Variants in PTPN5 observed in about 807,000 individuals in gnomAD.
The protein encoded by PTPN5 is tyrosine-protein phosphatase non-receptor type 5.
In PTPN5, 29 loss-of-function variants were observed where a neutral mutation model predicts 73.9. The observed-to-expected ratio is 0.39, with a 90% confidence interval of 0.29 to 0.54. The LOEUF (loss-of-function observed/expected upper bound fraction) is 0.54. Ranked by LOEUF, PTPN5 falls within the 20% of genes least tolerant of loss-of-function variation. PTPN5 has a pLI of 0.65. For synonymous variants in PTPN5, 267 were observed against 304.7 expected, an observed-to-expected ratio of 0.88 and a Z score of 1.29; for missense variants, 652 against 751.4, an observed-to-expected ratio of 0.87 and a Z score of 1.55.
In PTPN5 at chr11:18,737,881, G is replaced by A; in HGVS notation, c.999C>T (p.Pro333=). ...CCCTCTGGGACAGTGAGTACTCACTGGGAAGTATGGTTTTGTACCGGTTCT... is the reference window on the plus strand; with the variant it reads ...CCCTCTGGGACAGTGAGTACTCACTAGGAAGTATGGTTTTGTACCGGTTCT... ...VRKNRYKTIL[P]NPHSRVCLTS... is the part of the protein sequence containing the mutation. The change falls in exon 9 of 15, where the codon CCC becomes CCT. Residue 333 remains proline (P), a splice_region_variant and synonymous_variant. Transcript: ENST00000358540. The A allele has an allele frequency of 6.2e-7, 1 of 1,613,600 alleles. No homozygotes were observed. Among genetic ancestry groups the A allele is most frequent in the Non-Finnish European group, 8.5e-7 (1 of 1,179,474 alleles).
intron 3 of PTPN5, among the ~76,000 whole-genome samples, chr11:18,758,721 G>T (rs540351092): frequency 5.7e-4 from 87 of 152,130 alleles, no homozygotes; most frequent in African/African-American, 2.0e-3. Flanking sequence ...GAGAGCTGGG[G>T]TGATTTGTCC....
At chr11:18,759,342 A>G (rs75305114) in intron 3 of PTPN5, among the ~76,000 whole-genome samples, 1,824 of 152,306 alleles carry the variant, frequency 0.012, 23 homozygotes, top group African/African-American at 0.031. Context: ...CCCTTATTCT[A>G]GAGTGAGGAA....
At chr11:18,762,956 C>G (rs1247153841) in intron 3 of PTPN5, among the ~76,000 whole-genome samples, 1 of 152,180 alleles carries the variant, frequency 6.6e-6, no homozygotes, top group Non-Finnish European at 1.5e-5. Flanking sequence ...CTAGTGCTTA[C>G]AACAGTGCCC....
intron 3 of PTPN5, chr11:18,749,580 C>A: frequency 2.0e-6 from 1 of 501,392 alleles, no homozygotes; most frequent in South Asian, 1.5e-5. Flanking sequence ...TCAAAGTATA[C>A]ATGTAGTATG....
chr11:18,728,872 C>T lies in PTPN5; in HGVS notation c.*62G>A, dbSNP rs1366433792. The T allele has an allele frequency of 3.9e-6, 6 of 1,539,892 alleles. No individual in the cohort carries two copies. The highest frequency in any genetic ancestry group is 5.3e-6 in the Non-Finnish European group (6 of 1,133,282). On this transcript the variant is annotated 3_prime_UTR_variant, in exon 15 of 15. Transcript: ENST00000358540. The surrounding 1 kb of genome is among the most constrained non-coding windows in gnomAD (Gnocchi z 4.1). ...GCAGGCCCAGGACCCGAGGCAGGGC[C>T]CTGGGTGAGGGCCGAGACTCAGGCT...
chr11:18,783,809 A>G (rs1368806193), intron 1 of PTPN5, among the ~76,000 whole-genome samples: 1 of 152,192 alleles, frequency 6.6e-6, no homozygotes, highest in African/African-American at 2.4e-5. Context: ...TGTCCACCAC[A>G]GTGCCTGGTA....
chr11:18,744,073 C>A lies in PTPN5; in HGVS notation c.224G>T (p.Arg75Leu). 6.2e-7 allele frequency: 1 copy of A among 1,609,832 alleles called. No individual in the cohort carries two copies. The highest frequency in any genetic ancestry group is 8.5e-7 in the Non-Finnish European group (1 of 1,178,258). Residue 75 changes from arginine to leucine, a missense_variant, in exon 4 of 15, where the codon CGA (arginine) becomes CTA (leucine). Transcript: ENST00000358540. ...PSDPAQKPPP[R>L]GAGSHSLTVR... is the part of the protein sequence containing the mutation. ...AGTGAGGGAGTGGCTCCCAGCGCCT[C>A]GAGGTGGTGGCTTCTGAGCTGGATC...
intron 9 of PTPN5, among the ~76,000 whole-genome samples, chr11:18,737,081 C>T (rs1849146311): frequency 6.6e-6 from 1 of 152,242 alleles, no homozygotes; most frequent in African/African-American, 2.4e-5. Context: ...CGCTACTCCA[C>T]AAACTGAATG....
At chr11:18,786,563 A>G (rs996885612) in intron 1 of PTPN5, among the ~76,000 whole-genome samples, 3 of 152,228 alleles carry the variant, frequency 2.0e-5, no homozygotes, top group Admixed American at 6.5e-5. Flanking sequence ...TTTTGGTGAT[A>G]ACACTGCTTA....
chr11:18,737,074 T>A (rs1849145845), intron 9 of PTPN5, among the ~76,000 whole-genome samples: 1 of 152,250 alleles, frequency 6.6e-6, no homozygotes, highest in African/African-American at 2.4e-5. Context: ...AAAGCCTCGC[T>A]ACTCCACAAA....
chr11:18,752,494 G>A (rs917081449), intron 3 of PTPN5, among the ~76,000 whole-genome samples: 1 of 152,202 alleles, frequency 6.6e-6, no homozygotes, highest in African/African-American at 2.4e-5. Context: ...GGCAACTGGG[G>A]TCGGTGGATG....
intron 1 of PTPN5, among the ~76,000 whole-genome samples, chr11:18,775,950 G>A (rs2134335746): frequency 6.6e-6 from 1 of 152,288 alleles, no homozygotes; most frequent in East Asian, 1.9e-4. Context: ...CAATTATTAA[G>A]AGAGTCCAGG....
At chr11:18,743,511 A>G in intron 4 of PTPN5, 82 bp from the exon 5 acceptor site, 3 of 1,280,944 alleles carry the variant, frequency 2.3e-6, no homozygotes, top group Non-Finnish European at 3.4e-6. Context: ...TGCAGCCTCA[A>G]CCTGGCCCTG....
chr11:18,756,002 T>TTA (rs1554919970), intron 3 of PTPN5, among the ~76,000 whole-genome samples: 129 of 113,224 alleles, frequency 1.1e-3, no homozygotes, highest in African/African-American at 4.4e-3. Flanking sequence ...AGACTCTAAA[T>TTA]AAAAAAAAAA....
intron 3 of PTPN5, among the ~76,000 whole-genome samples, chr11:18,763,486 T>G (rs1035963741): frequency 5.3e-5 from 8 of 152,230 alleles, no homozygotes; most frequent in African/African-American, 1.9e-4. Flanking sequence ...ACTGATTTCC[T>G]AGGATATTCC....
At chr11:18,756,237 T>G (rs1850128284) in intron 3 of PTPN5, among the ~76,000 whole-genome samples, 1 of 151,756 alleles carries the variant, frequency 6.6e-6, no homozygotes, top group Non-Finnish European at 1.5e-5. Context: ...TATGTCTGGT[T>G]CAGACAGCCT....
chr11:18,778,810 T>G (rs1394038623), intron 1 of PTPN5, among the ~76,000 whole-genome samples: 3 of 152,164 alleles, frequency 2.0e-5, no homozygotes, highest in African/African-American at 7.2e-5. Flanking sequence ...CTGCATTTCT[T>G]TATAGCAATG....
chr11:18,733,328 G>A lies in PTPN5; in HGVS notation c.1125C>T (p.Pro375=). The A allele has an allele frequency of 6.2e-7, 1 of 1,614,118 alleles. No homozygotes were observed. The highest frequency in any genetic ancestry group is 8.5e-7 in the Non-Finnish European group (1 of 1,180,010). ...EEKVYIATQG[P]IVSTVADFWR... is the part of the protein sequence containing the mutation. ...AGAAGTCGGCGACCGTGCTGACGATGGGTCCCTGAGTGGCGATGTACACCT... is the reference window on the plus strand; with the variant it reads ...AGAAGTCGGCGACCGTGCTGACGATAGGTCCCTGAGTGGCGATGTACACCT... The change falls in exon 11 of 15, where the codon CCC becomes CCT. Residue 375 remains proline (P), a synonymous_variant. Transcript: ENST00000358540. This position sits in a 1 kb window ranked among gnomAD's most constrained non-coding sequence, Gnocchi z 4.3.
chr11:18,728,156 C>A lies in PTPN5; in HGVS notation c.*778G>T, dbSNP rs1412665749. ...ACACGCAGAGCAACACGCAGTGAGA[C>A]TTCTGGGAAGGCTTTCCCACAGTGA... On this transcript the variant is annotated 3_prime_UTR_variant, in exon 15 of 15. Coordinates refer to ENST00000358540, the MANE Select transcript of PTPN5 (RefSeq NM_006906.2). This position sits in a 1 kb window ranked among gnomAD's most constrained non-coding sequence, Gnocchi z 4.1. 6.5e-6 allele frequency: 1 copy of A among 152,694 alleles called. No homozygotes were observed. 9.5% of individuals were successfully genotyped at this position (152,694 alleles called of 1,614,324 possible).
Sources: gnomAD v4.1 joint callset for allele counts (sites outside exome capture counted in the v4.1 genomes callset) on GRCh38, gnomAD v4.1.1 for gene constraint, Gnocchi (gnomAD v3.1) non-coding constraint, MANE v1.5 for transcripts, NCBI Gene and HGNC (gene_info 2026-07-23, HGNC 2026-07-21) for gene names.